Variants in CORO1C observed in about 807,000 individuals in gnomAD.
The protein encoded by CORO1C is coronin-1C.
CORO1C carries 14 observed loss-of-function variants against 51.2 expected under a neutral mutation model. The observed-to-expected ratio is 0.27, with a 90% CI of 0.18 to 0.43. The LOEUF (loss-of-function observed/expected upper bound fraction) is 0.43, where lower values mean the gene tolerates loss of function less well. Among genes scored for constraint, CORO1C ranks in the 20% least tolerant of loss-of-function variants. The probability of loss-of-function intolerance (pLI) is 1.00; values close to 1 mark genes in which losing one functional copy is unlikely to be tolerated. For synonymous variants in CORO1C, 181 were observed against 210.5 expected, an observed-to-expected ratio of 0.86 and a Z score of 1.21; for missense variants, 417 against 607.8, an observed-to-expected ratio of 0.69 and a Z score of 3.30.
At chr12:108,712,257 G>A (rs568425165) in intron 1 of CORO1C, among the ~76,000 whole-genome samples, 1 of 152,068 alleles carries the variant, frequency 6.6e-6, no homozygotes, top group Non-Finnish European at 1.5e-5. Context: ...AAATGACAAT[G>A]CCAACAGTAA....
chr12:108,689,781 TC>T (rs2034433155), intron 2 of CORO1C, among the ~76,000 whole-genome samples: 1 of 152,244 alleles, frequency 6.6e-6, no homozygotes, highest in African/African-American at 2.4e-5. Context: ...AAAATGAGTA[TC>T]AAAATCACTT....
At chr12:108,719,617 T>C (rs1215416833) in intron 1 of CORO1C, among the ~76,000 whole-genome samples, 2 of 152,210 alleles carry the variant, frequency 1.3e-5, no homozygotes, top group Non-Finnish European at 2.9e-5. Flanking sequence ...ATGATTTCTC[T>C]GGTGCTGGGC....
At chr12:108,661,893 C>T in intron 4 of CORO1C, 136 bp downstream of exon 4, 1 of 935,184 alleles carries the variant, frequency 1.1e-6, no homozygotes, top group Non-Finnish European at 1.6e-6. Flanking sequence ...CAGTGCACCC[C>T]AATACTCTTC....
At chr12:108,690,216 C>T (rs1348356332) in intron 2 of CORO1C, among the ~76,000 whole-genome samples, 4 of 152,064 alleles carry the variant, frequency 2.6e-5, no homozygotes, top group Non-Finnish European at 4.4e-5. Context: ...AGTGACAGCT[C>T]ATGGCCCAGG....
Position 108,706,602 on chromosome 12 carries a change from T to C in CORO1C, c.-5-5279A>G, listed in dbSNP as rs111814471. Among the ~76,000 whole-genome samples the C allele has an allele frequency of 1.0e-3, 151 of 147,970 alleles. 1 individual carries two copies. Among genetic ancestry groups the C allele is most frequent in the African/African-American group, 3.6e-3 (146 of 40,112 alleles). On this transcript the variant is annotated intron_variant, in intron 1 of 10. Coordinates refer to ENST00000261401, the MANE Select transcript of CORO1C (RefSeq NM_014325.4). Reference sequence around the variant, plus strand: ...ATACAAGATTAATATATAAAAATCATTTTTTTTTTTAAGATGGAGTCTTGC... The same window carrying C: ...ATACAAGATTAATATATAAAAATCACTTTTTTTTTTAAGATGGAGTCTTGC...
At chr12:108,718,952 T>C (rs2035408061) in intron 1 of CORO1C, among the ~76,000 whole-genome samples, 2 of 152,128 alleles carry the variant, frequency 1.3e-5, no homozygotes, top group Non-Finnish European at 2.9e-5. Context: ...AATGAAAATA[T>C]CTCTAGGGAA....
chr12:108,707,249 G>C (rs1471442369), intron 1 of CORO1C, among the ~76,000 whole-genome samples: 2 of 152,266 alleles, frequency 1.3e-5, no homozygotes, highest in Admixed American at 6.5e-5. Flanking sequence ...AAGAGAAAAA[G>C]TTAGGAAGAC....
chr12:108,711,206 TA>T (rs988957744), intron 1 of CORO1C, among the ~76,000 whole-genome samples: 1 of 150,144 alleles, frequency 6.7e-6, no homozygotes, highest in Non-Finnish European at 1.5e-5. Flanking sequence ...CTACAAAAAA[TA>T]AAAAAAAATT....
intron 1 of CORO1C, among the ~76,000 whole-genome samples, chr12:108,725,532 G>A (rs2035567849): frequency 6.6e-6 from 1 of 152,220 alleles, no homozygotes; most frequent in Non-Finnish European, 1.5e-5. Context: ...CAGCTAGCAA[G>A]AAGCGGAGCC....
chr12:108,650,361 G>C (rs1359399135), intron 8 of CORO1C, among the ~76,000 whole-genome samples: 1 of 151,736 alleles, frequency 6.6e-6, no homozygotes, highest in African/African-American at 2.4e-5. Flanking sequence ...TTAATGTTTT[G>C]TAGAGACAGG....
intron 2 of CORO1C, among the ~76,000 whole-genome samples, chr12:108,690,322 T>A (rs920886933): frequency 1.3e-5 from 2 of 152,050 alleles, no homozygotes; most frequent in African/African-American, 4.8e-5. Context: ...ACAGATTGAG[T>A]TACCCTGTAA....
intron 1 of CORO1C, chr12:108,702,992 G>C (rs749689708): frequency 2.8e-5 from 41 of 1,474,582 alleles, no homozygotes; most frequent in Non-Finnish European, 3.5e-5. Context: ...TTCGTGGCCA[G>C]GGTCCTTCAT....
chr12:108,691,637 C>G (rs1369225438), intron 2 of CORO1C, among the ~76,000 whole-genome samples: 1 of 152,218 alleles, frequency 6.6e-6, no homozygotes, highest in African/African-American at 2.4e-5. Context: ...TCTGAGCCAC[C>G]CGTGCAGCCA....
At chr12:108,703,641 A>T (rs2034943028) in intron 1 of CORO1C, among the ~76,000 whole-genome samples, 1 of 152,192 alleles carries the variant, frequency 6.6e-6, no homozygotes, top group Non-Finnish European at 1.5e-5. Context: ...AAAGACAGGG[A>T]TGTGGGAGAG....
chr12:108,717,046 G>A (rs975796671), intron 1 of CORO1C, among the ~76,000 whole-genome samples: 2 of 152,222 alleles, frequency 1.3e-5, no homozygotes, highest in Admixed American at 6.5e-5. Context: ...TTAGCATGCC[G>A]CTGTGGCAAG....
rs1366317082 is a variant in CORO1C, at chr12:108,652,368, A to G, written c.905T>C (p.Val302Ala). Residue 302 changes from valine to alanine, a missense_variant, in exon 8 of 11, where the codon GTC becomes GCC. Coordinates refer to ENST00000261401, the MANE Select transcript of CORO1C (RefSeq NM_014325.4). The part of the protein sequence containing the change: ...YFEITDESPY[V>A]HYLNTFSSKE... ...GCTGCTGAATGTGTTGAGGTAGTGG[A>G]CGTACGGGGATTCATCCGTGATCTC... The G allele has an allele frequency of 6.2e-7, 1 of 1,613,768 alleles. No homozygotes were observed. Among genetic ancestry groups the G allele is most frequent in the Admixed American group, 1.7e-5 (1 of 60,014 alleles).
chr12:108,685,607 T>C (rs767868578), intron 2 of CORO1C, among the ~76,000 whole-genome samples: 6 of 149,836 alleles, frequency 4.0e-5, no homozygotes, highest in Non-Finnish European at 5.9e-5. Context: ...CACTATGCCA[T>C]GGGTTGTAAA....
In CORO1C at chr12:108,671,465, GA is replaced by G. The variant is rs34822039; in HGVS notation, c.318+6806del. Among the ~76,000 whole-genome samples, 105 of 130,044 alleles carry G rather than the reference GA, an allele frequency of 8.1e-4. 1 individual carries two copies. Among genetic ancestry groups the G allele is most frequent in the African/African-American group, 2.6e-3 (89 of 34,842 alleles). 85.3% of individuals were successfully genotyped at this position (130,044 alleles called of 152,430 possible). Reference sequence around the variant, plus strand: ...AAAGAAAACCAAAGCAAAGGAACAGGAAAAAAAAAATTAAAAACTGTAATGC... The same window carrying G: ...AAAGAAAACCAAAGCAAAGGAACAGGAAAAAAAAATTAAAAACTGTAATGC... On this transcript the variant is annotated intron_variant, in intron 3 of 10. Coordinates refer to ENST00000261401, the MANE Select transcript of CORO1C (RefSeq NM_014325.4).
At chr12:108,682,023 A>G (rs1367992226) in intron 2 of CORO1C, among the ~76,000 whole-genome samples, 1 of 152,004 alleles carries the variant, frequency 6.6e-6, no homozygotes, top group Non-Finnish European at 1.5e-5. Flanking sequence ...ACTAAAAGGA[A>G]AGAGAGAGAA....
Sources: gnomAD v4.1 joint callset for allele counts (sites outside exome capture counted in the v4.1 genomes callset) on GRCh38, gnomAD v4.1.1 for gene constraint, MANE v1.5 for transcripts, NCBI Gene and HGNC (gene_info 2026-07-23, HGNC 2026-07-21) for gene names.